The following NEK7 variants were observed in gnomAD, a reference collection of about 807,000 sequenced individuals.
NEK7 encodes NIMA related kinase 7.
Under a neutral mutation model 44.6 loss-of-function variants are expected in NEK7, and 18 were observed. That is an observed-to-expected ratio of 0.40 (90% CI 0.28 to 0.60). The LOEUF (loss-of-function observed/expected upper bound fraction) is 0.60. Ranked by LOEUF, NEK7 falls within the 20% of genes least tolerant of loss-of-function variation. The pLI is 0.38. For missense variants in NEK7, 256 were observed against 366.5 expected, an observed-to-expected ratio of 0.70 and a Z score of 2.46; for synonymous variants, 130 against 121.1, an observed-to-expected ratio of 1.07 and a Z score of -0.48.
intron 1 of NEK7, among the ~76,000 whole-genome samples, chr1:198,170,081 A>G (rs1664392448): frequency 6.6e-6 from 1 of 152,164 alleles, no homozygotes; most frequent in Admixed American, 6.5e-5. Context: ...CCCACAGAAC[A>G]TGGTATGAAG....
At chr1:198,305,502 A>C (rs918906789) in intron 9 of NEK7, among the ~76,000 whole-genome samples, 2 of 152,134 alleles carry the variant, frequency 1.3e-5, no homozygotes, top group Non-Finnish European at 2.9e-5. Flanking sequence ...GAAAAAAAAA[A>C]CTTAGAGGTA....
At chr1:198,280,169 C>T (rs941540603) in intron 7 of NEK7, among the ~76,000 whole-genome samples, 1 of 151,900 alleles carries the variant, frequency 6.6e-6, no homozygotes, top group Non-Finnish European at 1.5e-5. Context: ...GATAAGTTTG[C>T]CCAGCACTTT....
At chr1:198,207,427 G>C (rs1171222564) in intron 1 of NEK7, among the ~76,000 whole-genome samples, 1 of 152,034 alleles carries the variant, frequency 6.6e-6, no homozygotes, top group African/African-American at 2.4e-5. Flanking sequence ...TATTTATAAT[G>C]GCTTTATTCA....
chr1:198,197,816 T>C (rs1003968296), intron 1 of NEK7: 10 of 771,852 alleles, frequency 1.3e-5, no homozygotes, highest in East Asian at 2.6e-5. Flanking sequence ...GGAGGAATGC[T>C]TGCCATGCTC....
intron 7 of NEK7, among the ~76,000 whole-genome samples, chr1:198,291,775 A>G (rs1186223630): frequency 6.6e-6 from 1 of 152,006 alleles, no homozygotes; most frequent in East Asian, 1.9e-4. Flanking sequence ...TGATGTTTTC[A>G]CCTTTAGCTT....
intron 1 of NEK7, among the ~76,000 whole-genome samples, chr1:198,219,368 T>C (rs1666021697): frequency 2.0e-5 from 3 of 151,488 alleles, no homozygotes; most frequent in South Asian, 4.2e-4. Flanking sequence ...AGAATACTAC[T>C]AAGCTGTAAA....
rs542695167 is a variant in NEK7 at position 198,316,117 on chromosome 1, G to A, written c.799-3295G>A. Among the ~76,000 whole-genome samples, 17 of 152,256 alleles carry A rather than the reference G, an allele frequency of 1.1e-4. No individual in the cohort carries two copies. The South Asian group carries it at 2.9e-3, about 26-fold the overall frequency. On this transcript the variant is annotated intron_variant, in intron 9 of 9. Coordinates refer to ENST00000367385, the MANE Select transcript of NEK7 (RefSeq NM_133494.3). ...CGTCAGGGAAGAGAAGGTCTAGGCC[G>A]GAATTGAATGATGTAAATCCAAAAG...
At chr1:198,214,227 A>T (rs1246903885) in intron 1 of NEK7, among the ~76,000 whole-genome samples, 1 of 152,224 alleles carries the variant, frequency 6.6e-6, no homozygotes, top group Non-Finnish European at 1.5e-5. Context: ...GTTTACCCAG[A>T]TGAGAAAGAA....
intron 9 of NEK7, among the ~76,000 whole-genome samples, chr1:198,302,746 G>T (rs1018418761): frequency 2.0e-5 from 3 of 151,700 alleles, no homozygotes; most frequent in African/African-American, 7.3e-5. Flanking sequence ...TCTTTAATGC[G>T]ATTATCAATT....
intron 4 of NEK7, 53 bp downstream of exon 4, chr1:198,262,690 T>A: frequency 9.2e-7 from 1 of 1,082,056 alleles, no homozygotes; most frequent in Non-Finnish European, 1.4e-6. Context: ...TAAAAGTGAT[T>A]TACTAAAATA....
intron 1 of NEK7, among the ~76,000 whole-genome samples, chr1:198,184,714 GCT>G (rs1441609379): frequency 1.9e-4 from 29 of 152,150 alleles, no homozygotes; most frequent in Non-Finnish European, 3.8e-4. Flanking sequence ...TGTTGCCCAG[GCT>G]GGAGTGCAGT....
At chr1:198,171,040 A>G (rs968798488) in intron 1 of NEK7, among the ~76,000 whole-genome samples, 1 of 152,220 alleles carries the variant, frequency 6.6e-6, no homozygotes, top group East Asian at 1.9e-4. Context: ...TGTTGAGATT[A>G]CAGGCATGAG....
At chr1:198,307,549 G>A (rs942109036) in intron 9 of NEK7, among the ~76,000 whole-genome samples, 1 of 151,934 alleles carries the variant, frequency 6.6e-6, no homozygotes, top group Non-Finnish European at 1.5e-5. Context: ...CCCACTACAC[G>A]GCACACTATT....
At chr1:198,188,722 T>G (rs1183133043) in intron 1 of NEK7, among the ~76,000 whole-genome samples, 2 of 152,176 alleles carry the variant, frequency 1.3e-5, no homozygotes, top group Non-Finnish European at 2.9e-5. Flanking sequence ...AGAATAGGTA[T>G]TTTTCAAATA....
chr1:198,306,396 C>T (rs774702251), intron 9 of NEK7, among the ~76,000 whole-genome samples: 2 of 152,112 alleles, frequency 1.3e-5, no homozygotes, highest in African/African-American at 2.4e-5. Flanking sequence ...TGTTCACTAG[C>T]TTCAAAAAGT....
At chr1:198,222,888 G>T (rs1666110074) in intron 1 of NEK7, among the ~76,000 whole-genome samples, 1 of 151,356 alleles carries the variant, frequency 6.6e-6, no homozygotes, top group Non-Finnish European at 1.5e-5. Flanking sequence ...GGGGGTGGGG[G>T]TGGATGGGGG....
intron 1 of NEK7, among the ~76,000 whole-genome samples, chr1:198,204,738 AGAAAC>A (rs1338973384): frequency 1.3e-5 from 2 of 148,336 alleles, no homozygotes; most frequent in Non-Finnish European, 3.0e-5. Flanking sequence ...AAAAAAAAAA[AGAAAC>A]TCAGGTATTT....
At chr1:198,312,460 T>G (rs1043811874) in intron 9 of NEK7, among the ~76,000 whole-genome samples, 1 of 152,122 alleles carries the variant, frequency 6.6e-6, no homozygotes, top group African/African-American at 2.4e-5. Context: ...CTGATTTTAG[T>G]TATTTCTTGC....
intron 9 of NEK7, among the ~76,000 whole-genome samples, chr1:198,311,625 T>C (rs1655185457): frequency 2.0e-5 from 3 of 151,656 alleles, no homozygotes. Flanking sequence ...AATACCTAAT[T>C]TATTGAGAGT....
Sources: allele counts gnomAD v4.1 joint callset (sites outside exome capture counted in the v4.1 genomes callset), GRCh38; gene constraint gnomAD v4.1.1; transcripts MANE v1.5; gene names NCBI Gene and HGNC (gene_info 2026-07-23, HGNC 2026-07-21).